ZDHHC15: variants seen among roughly 807,000 people sequenced by gnomAD.
The protein encoded by ZDHHC15 is palmitoyltransferase ZDHHC15.
A neutral mutation model predicts 31.7 loss-of-function variants in ZDHHC15; 19 were observed. The observed-to-expected ratio is 0.60, with a 90% CI of 0.42 to 0.88. ZDHHC15 has a LOEUF of 0.88. Ranked by LOEUF, ZDHHC15 falls within the 40% of genes least tolerant of loss-of-function variation. The pLI is 0.00. For missense variants in ZDHHC15, 209 were observed against 251.2 expected (o/e 0.83, Z 1.14); for synonymous variants, 103 against 90.0 (o/e 1.14, Z -0.82).
intron 3 of ZDHHC15, among the ~76,000 whole-genome samples, chrX:75,473,171 C>T (rs759159583): frequency 1.8e-5 from 2 of 111,804 alleles, no homozygotes; most frequent in Admixed American, 9.5e-5. Context: ...CCTATCATCC[C>T]GAAGCAGCTG....
intron 10 of ZDHHC15, among the ~76,000 whole-genome samples, chrX:75,401,992 A>G (rs2083363590): frequency 8.9e-6 from 1 of 112,613 alleles, no homozygotes; most frequent in Non-Finnish European, 1.9e-5. Context: ...AGATGGACAT[A>G]AAACAATCCT....
chrX:75,463,574 T>TTAC (rs1358090657), intron 3 of ZDHHC15, among the ~76,000 whole-genome samples: 1 of 30,076 alleles, frequency 3.3e-5, no homozygotes, highest in African/African-American at 5.9e-5. Flanking sequence ...GAACTCAAAT[T>TTAC]TACAACAACA....
In ZDHHC15 at chrX:75,374,039, C is replaced by T. The variant is rs1046664795; in HGVS notation, c.*33-1094G>A. On this transcript the variant is annotated intron_variant, in intron 11 of 11. Coordinates refer to ENST00000373367, the MANE Select transcript of ZDHHC15 (RefSeq NM_144969.3). ...GTAATCATCATTCTACTCTCTAACT[C>T]CATGAGTTCAATTGTTTTAATTTTT... 1.3e-4 allele frequency among the ~76,000 whole-genome samples: 13 copies of T among 103,496 alleles called. No homozygotes were observed. The Admixed American group carries it at 1.4e-3, about 11-fold the overall frequency. The allele number at this position is 103,496 out of a possible 115,157, so 89.9% of individuals were successfully genotyped here. A position where few individuals can be genotyped will look rare whatever the true frequency, so the allele number is the denominator to read the frequency against.
At chrX:75,444,366 G>A (rs1330331949) in intron 4 of ZDHHC15, among the ~76,000 whole-genome samples, 5 of 104,048 alleles carry the variant, frequency 4.8e-5, no homozygotes, top group African/African-American at 7.1e-5. Context: ...ACTATCACAA[G>A]GACAAGAAAC....
intron 2 of ZDHHC15, among the ~76,000 whole-genome samples, chrX:75,484,919 T>C (rs962441287): frequency 2.7e-4 from 30 of 112,116 alleles, no homozygotes; most frequent in African/African-American, 9.4e-4. Context: ...TACTCACAGA[T>C]GAATCTTAAA....
At chrX:75,413,455 A>G in intron 10 of ZDHHC15, among the ~76,000 whole-genome samples, 1 of 111,499 alleles carries the variant, frequency 9.0e-6, no homozygotes, top group South Asian at 3.8e-4. Flanking sequence ...ATAAAGAAAC[A>G]TATGAGTTCA....
intron 4 of ZDHHC15, 97 bp downstream of exon 4, chrX:75,450,705 G>C: frequency 8.3e-7 from 1 of 1,202,105 alleles, no homozygotes; most frequent in Non-Finnish European, 1.1e-6. Flanking sequence ...TTCAGAAGAT[G>C]GGAGGAAAAA....
At chrX:75,477,386 C>T (rs183013708) in intron 3 of ZDHHC15, among the ~76,000 whole-genome samples, 1 of 111,564 alleles carries the variant, frequency 9.0e-6, no homozygotes, top group African/African-American at 3.2e-5. Flanking sequence ...TGGTGTTGTT[C>T]AAATCCTCCA....
chrX:75,423,303 T>C (rs1314185962), intron 8 of ZDHHC15, among the ~76,000 whole-genome samples: 1 of 108,491 alleles, frequency 9.2e-6, no homozygotes, highest in African/African-American at 3.4e-5. Context: ...GTACTAAGCA[T>C]AGTACCCGAG....
At chrX:75,398,125 C>T (rs2083317499) in intron 10 of ZDHHC15, among the ~76,000 whole-genome samples, 1 of 112,165 alleles carries the variant, frequency 8.9e-6, no homozygotes, top group African/African-American at 3.2e-5. Context: ...TGGCACCTCA[C>T]AAGATAAGAC....
At chrX:75,509,736 G>T (rs1278076230) in intron 1 of ZDHHC15, among the ~76,000 whole-genome samples, 1 of 112,595 alleles carries the variant, frequency 8.9e-6, no homozygotes, top group Non-Finnish European at 1.9e-5. Context: ...CAAGGATTAA[G>T]TAATAACATA....
At chrX:75,490,618 C>T (rs1399925480) in intron 2 of ZDHHC15, among the ~76,000 whole-genome samples, 1 of 111,548 alleles carries the variant, frequency 9.0e-6, no homozygotes, top group Non-Finnish European at 1.9e-5. Flanking sequence ...TCGTCCTCCC[C>T]ATGTGCATGG....
At chrX:75,396,343 T>C (rs184876301) in intron 10 of ZDHHC15, among the ~76,000 whole-genome samples, 1 of 112,080 alleles carries the variant, frequency 8.9e-6, no homozygotes, top group African/African-American at 3.2e-5. Flanking sequence ...AAGATGTGAA[T>C]AGACATTTCT....
intron 3 of ZDHHC15, among the ~76,000 whole-genome samples, chrX:75,456,151 C>T (rs1187117880): frequency 3.6e-5 from 4 of 111,450 alleles, no homozygotes; most frequent in Non-Finnish European, 7.5e-5. Flanking sequence ...GGCACATATA[C>T]ACCATGGAAT....
chrX:75,386,442 G>A lies in ZDHHC15; in HGVS notation c.968-7244C>T, dbSNP rs186792350. Among the ~76,000 whole-genome samples, 395 of 112,136 alleles carry A rather than the reference G, an allele frequency of 3.5e-3. 4 individuals carry two copies. Among genetic ancestry groups the A allele is most frequent in the African/African-American group, 0.013 (390 of 30,885 alleles). ...TTTATCACATTAGCTCAAGGGAAAA[G>A]CCGCTGTTTAGTTCAGAAAAGTTCA... On this transcript the variant is annotated intron_variant, in intron 10 of 11. Coordinates refer to ENST00000373367, the MANE Select transcript of ZDHHC15 (RefSeq NM_144969.3).
chrX:75,410,779 G>A (rs1295756798), intron 10 of ZDHHC15, among the ~76,000 whole-genome samples: 2 of 112,252 alleles, frequency 1.8e-5, no homozygotes. Context: ...AGAGATATTT[G>A]TACTCCTATG....
At chrX:75,486,982 C>T (rs1445099128) in intron 2 of ZDHHC15, among the ~76,000 whole-genome samples, 2 of 111,441 alleles carry the variant, frequency 1.8e-5, no homozygotes, top group East Asian at 5.7e-4. Context: ...AACGTGAGTA[C>T]CCATCCTAGC....
intron 2 of ZDHHC15, among the ~76,000 whole-genome samples, chrX:75,479,387 A>G (rs145234991): frequency 8.9e-6 from 1 of 112,320 alleles, no homozygotes; most frequent in Non-Finnish European, 1.9e-5. Context: ...TTCTCAATAA[A>G]TTTGTAAGAT....
intron 1 of ZDHHC15, among the ~76,000 whole-genome samples, chrX:75,506,299 CA>C (rs2085162540): frequency 9.0e-6 from 1 of 111,408 alleles, no homozygotes; most frequent in African/African-American, 3.3e-5. Flanking sequence ...ACAAAACAAA[CA>C]AAAGATGGTT....
Sources: allele counts gnomAD v4.1 joint callset (sites outside exome capture counted in the v4.1 genomes callset), GRCh38; gene constraint gnomAD v4.1.1; transcripts MANE v1.5; gene names NCBI Gene and HGNC (gene_info 2026-07-23, HGNC 2026-07-21).